The following HCRTR2 variants were observed in gnomAD, a reference collection of about 807,000 sequenced individuals.
HCRTR2 encodes the protein orexin receptor type 2.
Under a neutral mutation model 49.0 loss-of-function variants are expected in HCRTR2, and 22 were observed. The ratio of observed to expected loss-of-function variants is 0.45; its 90% CI spans 0.32 to 0.64. The LOEUF (loss-of-function observed/expected upper bound fraction) is 0.64, where lower values mean the gene tolerates loss of function less well. Among genes scored for constraint, HCRTR2 ranks in the 30% least tolerant of loss-of-function variants. HCRTR2 has a pLI of 0.04. For synonymous variants in HCRTR2, 236 were observed against 205.3 expected (o/e 1.15, Z -1.28); for missense variants, 491 against 559.4 (o/e 0.88, Z 1.23).
intron 4 of HCRTR2, among the ~76,000 whole-genome samples, chr6:55,275,608 ATTT>A (rs3065694): frequency 1.5e-5 from 2 of 133,100 alleles, no homozygotes. Context: ...TGAAAACTGT[ATTT>A]TTTTTTTTTT....
chr6:55,197,490 TA>T (rs1225505261), intron 1 of HCRTR2, among the ~76,000 whole-genome samples: 1 of 152,166 alleles, frequency 6.6e-6, no homozygotes, highest in African/African-American at 2.4e-5. Context: ...ATCCTAACCC[TA>T]ATATTATCAT....
intron 1 of HCRTR2, among the ~76,000 whole-genome samples, chr6:55,189,314 T>A (rs1423861481): frequency 6.6e-6 from 1 of 152,182 alleles, no homozygotes; most frequent in African/African-American, 2.4e-5. Context: ...GGGAAAACAG[T>A]TAGAAGCCTG....
At chr6:55,131,361 A>G (rs1326669724) in intron 1 of HCRTR2, among the ~76,000 whole-genome samples, 1 of 151,856 alleles carries the variant, frequency 6.6e-6, no homozygotes, top group Non-Finnish European at 1.5e-5. Context: ...CATTTATTTC[A>G]AACATTCAAA....
chr6:55,272,180 TAAAAG>T (rs949128873), intron 4 of HCRTR2, among the ~76,000 whole-genome samples: 1 of 152,092 alleles, frequency 6.6e-6, no homozygotes, highest in Non-Finnish European at 1.5e-5. Context: ...ATTCAGCTAC[TAAAAG>T]AAATGAAGCA....
intron 1 of HCRTR2, among the ~76,000 whole-genome samples, chr6:55,163,198 C>T (rs1230092934): frequency 6.6e-6 from 1 of 151,810 alleles, no homozygotes; most frequent in Non-Finnish European, 1.5e-5. Flanking sequence ...GATCCTGTCA[C>T]TGCACTCCAG....
At chr6:55,133,381 AC>A (rs1362888690) in intron 1 of HCRTR2, among the ~76,000 whole-genome samples, 1 of 104,284 alleles carries the variant, frequency 9.6e-6, no homozygotes, top group African/African-American at 3.4e-5. Flanking sequence ...ACATACACAC[AC>A]ACAAAAAAAC....
chr6:55,219,208 A>C (rs973105938), intron 1 of HCRTR2, among the ~76,000 whole-genome samples: 8 of 152,198 alleles, frequency 5.3e-5, no homozygotes, highest in African/African-American at 1.9e-4. Flanking sequence ...CCTAACAAAC[A>C]TATGCAGAAA....
At chr6:55,208,251 G>A (rs1359061776) in intron 1 of HCRTR2, among the ~76,000 whole-genome samples, 1 of 151,284 alleles carries the variant, frequency 6.6e-6, no homozygotes, top group Non-Finnish European at 1.5e-5. Context: ...GAGGCTGGTG[G>A]ATCACTTGAG....
chr6:55,187,099 C>T (rs1172284142), intron 1 of HCRTR2, among the ~76,000 whole-genome samples: 1 of 151,726 alleles, frequency 6.6e-6, no homozygotes, highest in Non-Finnish European at 1.5e-5. Context: ...CAAAGTGTAA[C>T]CTCACCCAGA....
At chr6:55,109,254 A>G (rs1764017134) in intron 1 of HCRTR2, among the ~76,000 whole-genome samples, 1 of 152,190 alleles carries the variant, frequency 6.6e-6, no homozygotes, top group African/African-American at 2.4e-5. Context: ...TCTCTGTCAT[A>G]ATCTACCCAA....
chr6:55,163,821 AT>A (rs1200413093), intron 1 of HCRTR2, among the ~76,000 whole-genome samples: 1 of 152,200 alleles, frequency 6.6e-6, no homozygotes, highest in Admixed American at 6.5e-5. Context: ...AAAAGAAACT[AT>A]CATCAGAGTG....
At chr6:55,181,656 T>C (rs1448429682) in intron 1 of HCRTR2, among the ~76,000 whole-genome samples, 1 of 152,158 alleles carries the variant, frequency 6.6e-6, no homozygotes, top group Non-Finnish European at 1.5e-5. Flanking sequence ...ACTCAAGTGC[T>C]TGAAGTGATT....
intron 1 of HCRTR2, among the ~76,000 whole-genome samples, chr6:55,240,224 G>A (rs1766298743): frequency 6.6e-6 from 1 of 151,682 alleles, no homozygotes; most frequent in Non-Finnish European, 1.5e-5. Context: ...CAGGCGCGGT[G>A]GCGGGCGCCT....
intron 1 of HCRTR2, among the ~76,000 whole-genome samples, chr6:55,208,820 T>G (rs1293778744): frequency 1.3e-5 from 2 of 152,182 alleles, no homozygotes; most frequent in Non-Finnish European, 1.5e-5. Flanking sequence ...TTGTAATAAG[T>G]GTCAGATTTA....
intron 1 of HCRTR2, among the ~76,000 whole-genome samples, chr6:55,187,949 T>C (rs1381866890): frequency 6.6e-6 from 1 of 151,638 alleles, no homozygotes; most frequent in Admixed American, 6.6e-5. Context: ...GCTAATTTTT[T>C]TTTCTTGTAT....
chr6:55,274,181 A>G (rs1029397794), intron 4 of HCRTR2, among the ~76,000 whole-genome samples: 1 of 149,114 alleles, frequency 6.7e-6, no homozygotes, highest in Non-Finnish European at 1.5e-5. Context: ...CATGTCCACA[A>G]TGAATATATT....
chr6:55,131,828 A>AGGGC (rs1764358523), intron 1 of HCRTR2, among the ~76,000 whole-genome samples: 1 of 151,864 alleles, frequency 6.6e-6, no homozygotes, highest in Non-Finnish European at 1.5e-5. Context: ...ATACTATGTG[A>AGGGC]AAAACTCTGC....
intron 1 of HCRTR2, among the ~76,000 whole-genome samples, chr6:55,194,128 T>G (rs889293669): frequency 2.0e-5 from 3 of 152,178 alleles, no homozygotes; most frequent in African/African-American, 4.8e-5. Context: ...GTCCTACATT[T>G]GTATTAACTT....
At chr6:55,233,441 G>C (rs1412613079) in intron 1 of HCRTR2, among the ~76,000 whole-genome samples, 3 of 152,018 alleles carry the variant, frequency 2.0e-5, no homozygotes, top group African/African-American at 7.2e-5. Flanking sequence ...AATTTCATTT[G>C]AACGTCAAAA....
Sources: gnomAD v4.1 joint callset for allele counts (sites outside exome capture counted in the v4.1 genomes callset) on GRCh38, gnomAD v4.1.1 for gene constraint, MANE v1.5 for transcripts, NCBI Gene and HGNC (gene_info 2026-07-23, HGNC 2026-07-21) for gene names.